ADAM10: variants seen among roughly 807,000 people sequenced by gnomAD.
ADAM10 encodes the protein ADAM metallopeptidase domain 10.
Under a neutral mutation model 90.1 loss-of-function variants are expected in ADAM10, and 17 were observed. The observed-to-expected ratio is 0.19, with a 90% confidence interval of 0.13 to 0.28. The LOEUF (loss-of-function observed/expected upper bound fraction) is 0.28. Ranked by LOEUF, ADAM10 falls within the 10% of genes least tolerant of loss-of-function variation. ADAM10 has a pLI of 1.00. For missense variants in ADAM10, 610 were observed against 914.3 expected (o/e 0.67, Z 4.29); for synonymous variants, 310 against 298.6 (o/e 1.04, Z -0.40).
intron 7 of ADAM10, 134 bp downstream of exon 7, chr15:58,643,752 G>A (rs1000910186): frequency 4.1e-6 from 3 of 723,212 alleles, no homozygotes; most frequent in Non-Finnish European, 4.8e-6. Flanking sequence ...GTAAAAAACT[G>A]CATCAACAGA....
At chr15:58,647,242 CTAAG>C (rs1441910830) in intron 5 of ADAM10, among the ~76,000 whole-genome samples, 1 of 65,532 alleles carries the variant, frequency 1.5e-5, no homozygotes, top group Non-Finnish European at 3.7e-5. Flanking sequence ...AGAGTAGACA[CTAAG>C]TATTTTTTTT....
chr15:58,714,009 T>C (rs1200919361), intron 2 of ADAM10, among the ~76,000 whole-genome samples: 4 of 152,072 alleles, frequency 2.6e-5, no homozygotes, highest in Non-Finnish European at 5.9e-5. Flanking sequence ...TTACACCATG[T>C]TGGCCATGAT....
chr15:58,743,995 T>C (rs1210489474), intron 1 of ADAM10, among the ~76,000 whole-genome samples: 1 of 152,196 alleles, frequency 6.6e-6, no homozygotes, highest in Non-Finnish European at 1.5e-5. Context: ...AATAATCTAG[T>C]ATATTAGTAT....
intron 5 of ADAM10, among the ~76,000 whole-genome samples, chr15:58,662,842 G>GT (rs1453641520): frequency 2.0e-5 from 3 of 152,140 alleles, no homozygotes; most frequent in Admixed American, 1.3e-4. Context: ...TATTGCGCCC[G>GT]TAAGTCCAGA....
chr15:58,607,143 T>C (rs908267148), intron 14 of ADAM10, among the ~76,000 whole-genome samples: 2 of 152,278 alleles, frequency 1.3e-5, no homozygotes, highest in African/African-American at 2.4e-5. Context: ...ATTTGGCCCA[T>C]GGGCCATAGT....
intron 12 of ADAM10, chr15:58,611,400 C>A: frequency 2.7e-6 from 1 of 377,114 alleles, no homozygotes; most frequent in Non-Finnish European, 4.8e-6. Context: ...TTGGTTATTA[C>A]GGCTCTTCTA....
intron 8 of ADAM10, among the ~76,000 whole-genome samples, chr15:58,637,825 GGT>G (rs1322732525): frequency 6.6e-6 from 1 of 151,938 alleles, no homozygotes; most frequent in Admixed American, 6.6e-5. Context: ...GTATTAGGTT[GGT>G]CACAAAGTTT....
At position 58,685,625 on chromosome 15, in the gene ADAM10, G is replaced by C. The variant is rs1301487691; in HGVS notation, c.207-3311C>G. On this transcript the variant is annotated intron_variant, in intron 2 of 15. Transcript: ENST00000260408. Reference sequence around the variant, plus strand: ...CCACATTTCTGTGTAGAGAATTTCTGAGTAAGATACACATTATAAGAATGT... The same window carrying C: ...CCACATTTCTGTGTAGAGAATTTCTCAGTAAGATACACATTATAAGAATGT... Among the ~76,000 whole-genome samples the C allele has an allele frequency of 4.8e-5, 7 of 146,552 alleles. No individual in the cohort carries two copies. In the Admixed American group the frequency reaches 4.8e-4, roughly 10 times the overall value.
At chr15:58,686,777 T>C (rs1362863385) in intron 2 of ADAM10, among the ~76,000 whole-genome samples, 1 of 152,222 alleles carries the variant, frequency 6.6e-6, no homozygotes, top group Non-Finnish European at 1.5e-5. Context: ...ATTCATGAGT[T>C]TCTACTTGAG....
intron 15 of ADAM10, among the ~76,000 whole-genome samples, chr15:58,599,115 A>C (rs2140986277): frequency 7.4e-6 from 1 of 134,678 alleles, no homozygotes; most frequent in South Asian, 2.6e-4. Flanking sequence ...GCTTGAGCTC[A>C]GGAGTAAGTC....
At chr15:58,628,806 GAA>G (rs1338103859) in intron 9 of ADAM10, among the ~76,000 whole-genome samples, 3 of 152,150 alleles carry the variant, frequency 2.0e-5, no homozygotes, top group African/African-American at 7.2e-5. Context: ...TCTCAAGAAA[GAA>G]AAAGACTGCC....
chr15:58,611,283 T>A (rs1335508070), intron 12 of ADAM10, 176 bp from the exon 13 acceptor site: 1 of 600,310 alleles, frequency 1.7e-6, no homozygotes, highest in Non-Finnish European at 3.0e-6. Flanking sequence ...TTGAAAAAAT[T>A]TGAAAAACAG....
chr15:58,612,425 T>C (rs1452431519), intron 11 of ADAM10, among the ~76,000 whole-genome samples: 1 of 152,146 alleles, frequency 6.6e-6, no homozygotes, highest in Non-Finnish European at 1.5e-5. Context: ...AGCACCCTGC[T>C]TCCCTGGAGC....
intron 1 of ADAM10, among the ~76,000 whole-genome samples, chr15:58,745,742 CA>C (rs1360645594): frequency 6.6e-6 from 1 of 151,992 alleles, no homozygotes; most frequent in Non-Finnish European, 1.5e-5. Flanking sequence ...AAGCAGGTAA[CA>C]AAAATGAGTG....
Position 58,633,672 on chromosome 15 carries a change from A to C in ADAM10, c.1013-313T>G, listed in dbSNP as rs188223308. Among the ~76,000 whole-genome samples, 312 of 152,294 alleles carry C rather than the reference A, an allele frequency of 2.0e-3. 1 individual carries two copies. Among genetic ancestry groups the C allele is most frequent in the Non-Finnish European group, 2.2e-3 (153 of 68,012 alleles). On this transcript the variant is annotated intron_variant, in intron 8 of 15. Coordinates refer to ENST00000260408, the MANE Select transcript of ADAM10 (RefSeq NM_001110.4). The stretch of plus-strand genomic sequence containing the variant: ...AAAACAAATATTTACATTTCCTTTC[A>C]ATTTGAATATATCAGTATTTACACT...
intron 11 of ADAM10, among the ~76,000 whole-genome samples, chr15:58,614,963 T>C (rs1316846308): frequency 6.6e-6 from 1 of 151,738 alleles, no homozygotes; most frequent in Non-Finnish European, 1.5e-5. Context: ...AAGAAGAATA[T>C]GCAAAAACAA....
At chr15:58,610,189 C>T (rs1294310405) in intron 14 of ADAM10, 108 bp downstream of exon 14, 1 of 871,070 alleles carries the variant, frequency 1.1e-6, no homozygotes. Context: ...TAAAGTAATT[C>T]TAATATAAAT....
chr15:58,702,098 T>C (rs945371553), intron 2 of ADAM10, among the ~76,000 whole-genome samples: 1 of 152,054 alleles, frequency 6.6e-6, no homozygotes, highest in Admixed American at 6.6e-5. Context: ...AGAGCGAGAT[T>C]CTGTCTCAAA....
intron 2 of ADAM10, among the ~76,000 whole-genome samples, chr15:58,695,595 T>C (rs983980602): frequency 1.3e-5 from 2 of 151,944 alleles, no homozygotes; most frequent in Non-Finnish European, 2.9e-5. Context: ...TAGTATTCTA[T>C]ATGGTAAAAA....
Sources: allele counts gnomAD v4.1 joint callset (sites outside exome capture counted in the v4.1 genomes callset), GRCh38; gene constraint gnomAD v4.1.1; transcripts MANE v1.5; gene names NCBI Gene and HGNC (gene_info 2026-07-23, HGNC 2026-07-21).